The following PHLDB3 variants were observed in gnomAD, a reference collection of about 807,000 sequenced individuals.
PHLDB3 encodes the protein pleckstrin homology like domain family B member 3.
In PHLDB3, 86 loss-of-function variants were observed where a neutral mutation model predicts 85.7. That is an observed-to-expected ratio of 1.00 (90% CI 0.84 to 1.20). The LOEUF (loss-of-function observed/expected upper bound fraction) is 1.20, where lower values mean the gene tolerates loss of function less well. Among genes scored for constraint, PHLDB3 ranks in the 50% most tolerant of loss-of-function variants. The pLI is 0.00. For missense variants in PHLDB3, 995 were observed against 873.0 expected (o/e 1.14, Z -1.76); for synonymous variants, 376 against 349.8 (o/e 1.07, Z -0.83).
chr19:43,487,679 A>G (rs1971212371), intron 9 of PHLDB3, among the ~76,000 whole-genome samples: 1 of 151,898 alleles, frequency 6.6e-6, no homozygotes, highest in African/African-American at 2.4e-5. Context: ...ACTGGGGTAG[A>G]TCGGGGAACC....
intron 15 of PHLDB3, among the ~76,000 whole-genome samples, chr19:43,476,654 A>G (rs113719314): frequency 4.7e-5 from 7 of 150,262 alleles, no homozygotes; most frequent in Non-Finnish European, 7.4e-5. Context: ...TGGAGCAAGA[A>G]AAAAAAAAAG....
intron 4 of PHLDB3, among the ~76,000 whole-genome samples, 193 bp from the exon 5 acceptor site, chr19:43,498,069 G>A (rs1181797119): frequency 2.0e-5 from 3 of 152,132 alleles, no homozygotes; most frequent in African/African-American, 4.8e-5. Context: ...CAGGTGTGGT[G>A]GCCCACACCT....
In PHLDB3 at chr19:43,487,052, G is replaced by C. The variant is rs187217611; in HGVS notation, c.1221C>G (p.Ser407=). ...KRGERGSQRG[S]PRPLSFHCTE... The stretch of plus-strand genomic sequence containing the variant: ...TACAATGGAAGGACAGAGGTCGGGG[G>C]GATCCTCTCTGGCTCCCCCTCTCCC... Residue 407 remains serine, a synonymous_variant, in exon 10 of 16, where the codon TCC becomes TCG. Coordinates refer to ENST00000292140, the MANE Select transcript of PHLDB3 (RefSeq NM_198850.4). The C allele has an allele frequency of 3.8e-6, 6 of 1,579,140 alleles. No homozygotes were observed. The highest frequency in any genetic ancestry group is 5.2e-6 in the Non-Finnish European group (6 of 1,164,028).
Position 43,486,884 on chromosome 19 carries a change from G to A in PHLDB3, c.1250-14C>T. 3 of 1,537,020 alleles carry A rather than the reference G, an allele frequency of 2.0e-6. No individual in the cohort carries two copies. The highest frequency in any genetic ancestry group is 2.6e-6 in the Non-Finnish European group (3 of 1,140,882). On this transcript the variant is annotated splice_polypyrimidine_tract_variant and intron_variant, in intron 10 of 15. Coordinates refer to ENST00000292140, the MANE Select transcript of PHLDB3 (RefSeq NM_198850.4). ...CCTCCAGGGATTCTAGGGTAGAGGG[G>A]ACCAGGTTACAGGGCTGGATACACC...
At chr19:43,483,594 A>G (rs1971093310) in intron 13 of PHLDB3, among the ~76,000 whole-genome samples, 1 of 152,192 alleles carries the variant, frequency 6.6e-6, no homozygotes, top group East Asian at 1.9e-4. Context: ...ATTCTTTATA[A>G]CAAAACGCAT....
At chr19:43,495,815 G>A in intron 6 of PHLDB3, 195 bp from the exon 7 acceptor site, 1 of 672,460 alleles carries the variant, frequency 1.5e-6, no homozygotes, top group Admixed American at 3.4e-5. Flanking sequence ...AGAGATCTGG[G>A]GAAGATGAAG....
intron 13 of PHLDB3, among the ~76,000 whole-genome samples, chr19:43,485,629 C>T (rs769787087): frequency 1.3e-5 from 2 of 150,812 alleles, no homozygotes; most frequent in Non-Finnish European, 2.9e-5. Flanking sequence ...ACAATCTCGG[C>T]TCACTGCAAC....
chr19:43,495,294 C>A lies in PHLDB3; in HGVS notation c.997G>T (p.Gly333Cys), dbSNP rs1237811443. ...GGGTTGGGCTCAGAGAAGTCCCCGCCAGGTGTTCCCTGAAGGCAATTGAGC... is the reference window on the plus strand; with the variant it reads ...GGGTTGGGCTCAGAGAAGTCCCCGCAAGGTGTTCCCTGAAGGCAATTGAGC... Reference protein sequence around the residue: ...LELNCLQGTPGGDFSEPNPAL... With the variant: ...LELNCLQGTPCGDFSEPNPAL... The change falls in exon 8 of 16, where the codon GGC becomes TGC. Residue 333 changes from glycine (G) to cysteine (C), a missense_variant. Transcript: ENST00000292140. 6.2e-7 allele frequency: 1 copy of A among 1,613,702 alleles called. No homozygotes were observed. The highest frequency in any genetic ancestry group is 1.3e-5 in the African/African-American group (1 of 74,924).
chr19:43,475,623 T>A, intron 15 of PHLDB3, 79 bp from the exon 16 acceptor site: 1 of 1,573,740 alleles, frequency 6.4e-7, no homozygotes, highest in Non-Finnish European at 8.7e-7. Flanking sequence ...CCTTGCTACT[T>A]ATAGTCTGTG....
At position 43,502,192 on chromosome 19, in the gene PHLDB3, T is replaced by G; in HGVS notation, c.305A>C (p.Gln102Pro). The change falls in exon 3 of 16, where the codon CAA (glutamine) becomes CCA (proline). Residue 102 changes from glutamine to proline, a missense_variant. Physicochemically the swap from Gln to Pro is moderately conservative, Grantham distance 76. Transcript: ENST00000292140. ...EGVRGAARRL[Q>P]GQQLEALTRV... is the part of the protein sequence containing the mutation. Reference sequence around the variant, plus strand: ...AGTCAATGCCTCCAGCTGCTGTCCTTGCAGGCGCCGCGCCGCCCCTCGCAC... The same window carrying G: ...AGTCAATGCCTCCAGCTGCTGTCCTGGCAGGCGCCGCGCCGCCCCTCGCAC... 3 of 1,574,240 alleles carry G rather than the reference T, an allele frequency of 1.9e-6. No individual in the cohort carries two copies. Among genetic ancestry groups the G allele is most frequent in the Non-Finnish European group, 2.6e-6 (3 of 1,160,380 alleles).
Position 43,501,874 on chromosome 19 carries a change from G to A in PHLDB3, c.397-3C>T. ...AGCAAGGCCACCTCCACCTCCATCT[G>A]CGGAGAGAATGCCAGGGCTGGGGGC... On this transcript the variant is annotated splice_region_variant and splice_polypyrimidine_tract_variant and intron_variant, in intron 3 of 15. Coordinates refer to ENST00000292140, the MANE Select transcript of PHLDB3 (RefSeq NM_198850.4). 1 of 1,590,078 alleles carries A rather than the reference G, an allele frequency of 6.3e-7. No individual in the cohort carries two copies. The highest frequency in any genetic ancestry group is 8.6e-7 in the Non-Finnish European group (1 of 1,168,474).
In PHLDB3 at chr19:43,501,175, CTTTTTTTTTTTTTT is replaced by C. The variant is rs59042804; in HGVS notation, c.534+545_534+558del. 8.4e-5 allele frequency among the ~76,000 whole-genome samples: 7 copies of C among 83,624 alleles called. No homozygotes were observed. The Admixed American group carries it at 1.1e-3, about 13-fold the overall frequency. The allele number at this position is 83,624 out of a possible 152,430, so 54.9% of individuals were successfully genotyped here. ...GTGGGTTTGGAAGTTTTCTTTTTCT[CTTTTTTTTTTTTTT>C]TTTTTTTTGAGACGGAGTCTCCTTC... On this transcript the variant is annotated intron_variant, in intron 4 of 15. Transcript: ENST00000292140.
intron 4 of PHLDB3, 178 bp downstream of exon 4, chr19:43,501,556 C>G (rs1363078118): frequency 8.1e-7 from 1 of 1,237,806 alleles, no homozygotes; most frequent in East Asian, 2.6e-5. Context: ...CCCCAAAAAT[C>G]TCGCCCAGGG....
Position 43,492,186 on chromosome 19 carries a change from C to T in PHLDB3, c.1149+2516G>A, listed in dbSNP as rs528068279. The stretch of plus-strand genomic sequence containing the variant: ...CAGGCTGGTCTCGAACTCCTGACCT[C>T]GTGCTCCGCCTGTCTCCGCCTCCCA... On this transcript the variant is annotated intron_variant, in intron 9 of 15. Coordinates refer to ENST00000292140, the MANE Select transcript of PHLDB3 (RefSeq NM_198850.4). Among the ~76,000 whole-genome samples the T allele has an allele frequency of 1.8e-3, 268 of 151,754 alleles. 1 individual carries two copies. Among genetic ancestry groups the T allele is most frequent in the Admixed American group, 3.6e-3 (55 of 15,204 alleles).
At chr19:43,489,506 C>A (rs1351205694) in intron 9 of PHLDB3, among the ~76,000 whole-genome samples, 1 of 151,706 alleles carries the variant, frequency 6.6e-6, no homozygotes, top group South Asian at 2.1e-4. Flanking sequence ...AAATTGGTAA[C>A]CCTGGTGGCC....
chr19:43,478,109 C>T lies in PHLDB3; in HGVS notation c.1726G>A (p.Gly576Ser), dbSNP rs374986578. The change falls in exon 15 of 16, where the codon GGT becomes AGT. Residue 576 changes from glycine to serine, a missense_variant. Physicochemically the swap from Gly to Ser is moderately conservative, Grantham distance 56 (BLOSUM62 0). Transcript: ENST00000292140. ...TCAATGGCCTGGAAGTAGATGACAC[C>T]TTTGAGCTTGGTCTCTTCCTTGTCT... ...YADKEETKLK[G>S]VIYFQAIEEV... 2 of 1,613,386 alleles carry T rather than the reference C, an allele frequency of 1.2e-6. No homozygotes were observed. Among genetic ancestry groups the T allele is most frequent in the Non-Finnish European group, 1.7e-6 (2 of 1,179,446 alleles).
rs769307288 is a variant in PHLDB3, at chr19:43,495,269, G to C, written c.1022C>G (p.Pro341Arg). 5.6e-6 allele frequency: 9 copies of C among 1,613,762 alleles called. No homozygotes were observed. Among genetic ancestry groups the C allele is most frequent in the Admixed American group, 1.7e-5 (1 of 59,976 alleles). Residue 341 changes from proline to arginine, a missense_variant, in exon 8 of 16, where the codon CCG (proline) becomes CGG (arginine). By Grantham distance (103) the Pro-to-Arg change is moderately radical (BLOSUM62 -2). Transcript: ENST00000292140. The part of the protein sequence containing the change: ...TPGGDFSEPN[P>R]ALTKLLFTQK... ...AAATCCCCATACCTTAGTGAGGGCC[G>C]GGTTGGGCTCAGAGAAGTCCCCGCC...
intron 4 of PHLDB3, 96 bp from the exon 5 acceptor site, chr19:43,497,972 C>CA: frequency 6.8e-7 from 1 of 1,480,786 alleles, no homozygotes; most frequent in South Asian, 1.3e-5. Flanking sequence ...GTCGGCTGTA[C>CA]AAAGGCAGGG....
intron 13 of PHLDB3, 23 bp from the exon 14 acceptor site, chr19:43,479,616 A>G: frequency 6.8e-7 from 1 of 1,480,488 alleles, no homozygotes; most frequent in Non-Finnish European, 9.2e-7. Context: ...GAGACGGGGC[A>G]GCTGATGTAA....
Sources: allele counts gnomAD v4.1 joint callset (sites outside exome capture counted in the v4.1 genomes callset), GRCh38; gene constraint gnomAD v4.1.1; transcripts MANE v1.5; gene names NCBI Gene and HGNC (gene_info 2026-07-23, HGNC 2026-07-21).